The following DRC11 variants were observed in gnomAD, a reference collection of about 807,000 sequenced individuals.
DRC11 encodes IQ and AAA domain-containing protein 1.
the DRC11 span, among the ~76,000 whole-genome samples, chr2:236,318,545 G>A: frequency 4.0e-5 from 6 of 149,410 alleles, 1 homozygote; most frequent in Admixed American, 3.3e-4. The surrounding 1 kb of genome is among the most constrained non-coding windows in gnomAD (Gnocchi z 7.0). Flanking sequence ...ATATGTATAT[G>A]AGTGTGTGTA....
At chr2:236,492,976 C>A in the DRC11 span, among the ~76,000 whole-genome samples, 1 of 152,192 alleles carries the variant, frequency 6.6e-6, no homozygotes, top group African/African-American at 2.4e-5. Flanking sequence ...TCAAGGTGAT[C>A]CAAGTGTCAC....
chr2:236,390,069 G>C, the DRC11 span, among the ~76,000 whole-genome samples: 35 of 152,222 alleles, frequency 2.3e-4, no homozygotes, highest in African/African-American at 7.5e-4. This position sits in a 1 kb window ranked among gnomAD's most constrained non-coding sequence, Gnocchi z 5.9. Context: ...TACTGAGAGT[G>C]GGATAGTGAG....
At chr2:236,336,593 A>T in the DRC11 span, among the ~76,000 whole-genome samples, 25 of 151,862 alleles carry the variant, frequency 1.6e-4, 1 homozygote, top group South Asian at 1.3e-3. This position sits in a 1 kb window ranked among gnomAD's most constrained non-coding sequence, Gnocchi z 7.3. Context: ...AGCCACCCAC[A>T]CCACCATCAA....
At chr2:236,497,443 G>A in the DRC11 span, 2 of 1,613,406 alleles carry the variant, frequency 1.2e-6, no homozygotes, top group East Asian at 2.2e-5. This position sits in a 1 kb window ranked among gnomAD's most constrained non-coding sequence, Gnocchi z 5.1. Flanking sequence ...ATCGAGTAAA[G>A]CACCGAGGGC....
chr2:236,321,693 G>T, the DRC11 span, among the ~76,000 whole-genome samples: 1 of 152,218 alleles, frequency 6.6e-6, no homozygotes, highest in Non-Finnish European at 1.5e-5. Context: ...CAGAGCTCAT[G>T]GCCCCATGTG....
At chr2:236,484,156 G>A in the DRC11 span, among the ~76,000 whole-genome samples, 2 of 152,184 alleles carry the variant, frequency 1.3e-5, no homozygotes, top group African/African-American at 4.8e-5. Context: ...TTTCTACTGT[G>A]TCTGCTTTTA....
the DRC11 span, among the ~76,000 whole-genome samples, chr2:236,453,474 C>T: frequency 6.6e-6 from 1 of 152,128 alleles, no homozygotes; most frequent in Non-Finnish European, 1.5e-5. The surrounding 1 kb of genome is among the most constrained non-coding windows in gnomAD (Gnocchi z 4.9). Context: ...CGTGCTAGAA[C>T]AAACCGAATG....
chr2:236,416,724 TATATATATA>T, the DRC11 span, among the ~76,000 whole-genome samples: 329 of 20,496 alleles, frequency 0.016, 10 homozygotes, highest in East Asian at 0.15. Flanking sequence ...TATATATTTA[TATATATATA>T]TATATATATA....
chr2:236,392,289 G>C, the DRC11 span: 8 of 1,597,520 alleles, frequency 5.0e-6, no homozygotes, highest in East Asian at 1.8e-4. The surrounding 1 kb of genome is among the most constrained non-coding windows in gnomAD (Gnocchi z 5.1). Flanking sequence ...TCTCCTCTTT[G>C]ATCAGTTCTG....
the DRC11 span, among the ~76,000 whole-genome samples, chr2:236,318,590 T>A: frequency 7.4e-5 from 11 of 148,690 alleles, no homozygotes; most frequent in African/African-American, 2.8e-4. The surrounding 1 kb of genome is among the most constrained non-coding windows in gnomAD (Gnocchi z 7.0). Context: ...TGTGTACATG[T>A]ACACATGTGT....
chr2:236,347,730 T>C, the DRC11 span, among the ~76,000 whole-genome samples: 1 of 151,566 alleles, frequency 6.6e-6, no homozygotes, highest in Non-Finnish European at 1.5e-5. Context: ...GGGTGAGGGA[T>C]GAAAGACTAC....
At chr2:236,458,417 A>C in the DRC11 span, among the ~76,000 whole-genome samples, 1 of 152,240 alleles carries the variant, frequency 6.6e-6, no homozygotes, top group Non-Finnish European at 1.5e-5. Context: ...ATTAACTAAA[A>C]AACTACAAGA....
At chr2:236,351,696 G>A in the DRC11 span, among the ~76,000 whole-genome samples, 1 of 152,120 alleles carries the variant, frequency 6.6e-6, no homozygotes, top group Non-Finnish European at 1.5e-5. The surrounding 1 kb of genome is among the most constrained non-coding windows in gnomAD (Gnocchi z 7.3). Context: ...TGGGCACAGT[G>A]AGGACAAGGC....
the DRC11 span, chr2:236,377,059 A>G: frequency 1.3e-4 from 166 of 1,265,508 alleles, no homozygotes; most frequent in Non-Finnish European, 1.8e-4. This position sits in a 1 kb window ranked among gnomAD's most constrained non-coding sequence, Gnocchi z 4.9. Context: ...AAAACACAAG[A>G]GGTGACACGT....
At chr2:236,338,293 C>T in the DRC11 span, 1 of 1,613,908 alleles carries the variant, frequency 6.2e-7, no homozygotes, top group Non-Finnish European at 8.5e-7. Context: ...CGAAGGGACG[C>T]CGTGTGGTCC....
the DRC11 span, among the ~76,000 whole-genome samples, chr2:236,498,206 G>A: frequency 7.3e-5 from 11 of 151,516 alleles, no homozygotes; most frequent in South Asian, 1.0e-3. Context: ...GGTGGCTCTC[G>A]CCTGTAATCC....
the DRC11 span, among the ~76,000 whole-genome samples, chr2:236,354,525 A>G: frequency 6.6e-6 from 1 of 152,186 alleles, no homozygotes; most frequent in East Asian, 1.9e-4. Context: ...CACTATGGCC[A>G]ATGAATTCTC....
At chr2:236,501,911 G>A in the DRC11 span, among the ~76,000 whole-genome samples, 1 of 152,154 alleles carries the variant, frequency 6.6e-6, no homozygotes, top group Non-Finnish European at 1.5e-5. Flanking sequence ...ACCCAGGAGG[G>A]TTGACTGCAG....
At chr2:236,425,650 T>C in the DRC11 span, among the ~76,000 whole-genome samples, 108 of 152,130 alleles carry the variant, frequency 7.1e-4, 2 homozygotes, top group East Asian at 0.017. Flanking sequence ...GCAATCCCAT[T>C]TACCTGTTTT....
Sources: allele counts gnomAD v4.1 joint callset (sites outside exome capture counted in the v4.1 genomes callset), GRCh38; gene constraint gnomAD v4.1.1; non-coding constraint Gnocchi (gnomAD v3.1); transcripts MANE v1.5; gene names NCBI Gene and HGNC (gene_info 2026-07-23, HGNC 2026-07-21).